TNRC6A: variants seen among roughly 807,000 people sequenced by gnomAD.
TNRC6A encodes the protein trinucleotide repeat containing adaptor 6A, also known as trinucleotide repeat-containing gene 6A protein.
Under a neutral mutation model 221.2 loss-of-function variants are expected in TNRC6A, and 44 were observed. The observed-to-expected ratio is 0.20, with a 90% CI of 0.16 to 0.26. TNRC6A has a LOEUF of 0.26. Ranked by LOEUF, TNRC6A falls within the 10% of genes least tolerant of loss-of-function variation. The probability of loss-of-function intolerance (pLI) is 1.00; values close to 1 mark genes in which losing one functional copy is unlikely to be tolerated. For synonymous variants in TNRC6A, 847 were observed against 838.5 expected (o/e 1.01, Z -0.18); for missense variants, 2,199 against 2,404.4 (o/e 0.91, Z 1.79).
upstream of TNRC6A, among the ~76,000 whole-genome samples, chr16:24,727,983 T>C (rs550418221): frequency 6.6e-6 from 1 of 152,156 alleles, no homozygotes; most frequent in South Asian, 2.1e-4. Flanking sequence ...AAAAAACAGA[T>C]ACACTAAAAG....
chr16:24,635,077 T>G (rs1321736951), intron 1 of TNRC6A, among the ~76,000 whole-genome samples: 1 of 151,354 alleles, frequency 6.6e-6, no homozygotes, highest in Non-Finnish European at 1.5e-5. Context: ...TCTTTCTTTT[T>G]CTTTCTTTCT....
chr16:24,651,262 G>C (rs1301948291), intron 2 of TNRC6A, among the ~76,000 whole-genome samples: 2 of 151,874 alleles, frequency 1.3e-5, no homozygotes, highest in Non-Finnish European at 2.9e-5. Context: ...ACATTCGCCA[G>C]GCGCCGTGCC....
chr16:24,682,217 G>A (rs1181925323), intron 2 of TNRC6A, among the ~76,000 whole-genome samples: 1 of 148,962 alleles, frequency 6.7e-6, no homozygotes, highest in East Asian at 1.9e-4. Flanking sequence ...GTCATGAAAG[G>A]AGGACTTGTT....
intron 4 of TNRC6A, among the ~76,000 whole-genome samples, chr16:24,773,220 T>C (rs956714683): frequency 6.6e-6 from 1 of 152,234 alleles, no homozygotes; most frequent in African/African-American, 2.4e-5. Context: ...ATGAATTTTT[T>C]TGTGTGCACT....
chr16:24,712,081 T>C (rs890722604), intron 2 of TNRC6A, among the ~76,000 whole-genome samples: 1 of 152,246 alleles, frequency 6.6e-6, no homozygotes, highest in African/African-American at 2.4e-5. Flanking sequence ...AAACTAAATA[T>C]GCACATGCAG....
At position 24,815,236 on chromosome 16, in the gene TNRC6A, G is replaced by C; in HGVS notation, c.4762G>C (p.Gly1588Arg). Residue 1588 changes from glycine to arginine, a missense_variant, in exon 19 of 25, where the codon GGT becomes CGT. By Grantham distance (125) the Gly-to-Arg change is moderately radical. This residue lies in a region of TNRC6A where 449 missense variants were observed against 579.7 expected (regional missense o/e 0.77). Transcript: ENST00000395799. Reference protein sequence around the residue: ...NSSTSPASPPGSIGDGWPRAK... With the variant: ...NSSTSPASPPRSIGDGWPRAK... ...CAGTACTTCACCAGCCAGTCCTCCA[G>C]GTTCAATAGGAGATGGCTGGCCACG... 1 of 1,614,216 alleles carries C rather than the reference G, an allele frequency of 6.2e-7. No individual in the cohort carries two copies. Among genetic ancestry groups the C allele is most frequent in the East Asian group, 2.2e-5 (1 of 44,882 alleles).
Position 24,791,629 on chromosome 16 carries a change from G to T in TNRC6A, c.2987G>T (p.Arg996Leu), listed in dbSNP as rs756268104. 14 of 1,611,008 alleles carry T rather than the reference G, an allele frequency of 8.7e-6. 1 individual carries two copies. The South Asian group carries it at 1.5e-4, about 18-fold the overall frequency. ...GWEEPSPESIRRKMEIDDGTS... is the reference protein window; with the variant it reads ...GWEEPSPESILRKMEIDDGTS... Reference sequence around the variant, plus strand: ...GAGGAACCATCCCCAGAATCTATACGTCGCAAAATGGAGATTGATGATGGA... The same window carrying T: ...GAGGAACCATCCCCAGAATCTATACTTCGCAAAATGGAGATTGATGATGGA... Residue 996 changes from arginine to leucine, a missense_variant, in exon 6 of 25, where the codon CGT becomes CTT. By Grantham distance (102) the Arg-to-Leu change is moderately radical (BLOSUM62 -2). Coordinates refer to ENST00000395799, the MANE Select transcript of TNRC6A (RefSeq NM_014494.4).
chr16:24,737,890 A>C lies in TNRC6A; in HGVS notation c.53+7590A>C, dbSNP rs2056806077. Among the ~76,000 whole-genome samples, 3 of 152,214 alleles carry C rather than the reference A, an allele frequency of 2.0e-5. No individual in the cohort carries two copies. In the South Asian group the frequency reaches 6.2e-4, roughly 32 times the overall value. ...GAGAATGGTAGTTAAGTGTGTGCTG[A>C]TTTTAAATGTCCTTTTAAATATCAT... On this transcript the variant is annotated intron_variant, in intron 2 of 24. Transcript: ENST00000395799.
intron 11 of TNRC6A, chr16:24,803,965 T>G (rs1381672101): frequency 4.1e-6 from 2 of 491,572 alleles, no homozygotes; most frequent in Non-Finnish European, 7.0e-6. Context: ...CTATTTCAAG[T>G]TAATTATTTC....
intron 19 of TNRC6A, chr16:24,815,806 T>C (rs947207236): frequency 3.6e-5 from 6 of 165,762 alleles, no homozygotes; most frequent in Admixed American, 3.4e-4. Flanking sequence ...TGAGCCGAAA[T>C]TGCGCCACTG....
rs72768608 is a variant in TNRC6A at position 24,633,891 on chromosome 16, C to A, written n.277-6993C>A. 6.7e-3 allele frequency among the ~76,000 whole-genome samples: 1,013 copies of A among 151,928 alleles called. 8 individuals are homozygous for A. The highest frequency in any genetic ancestry group is 0.011 in the Non-Finnish European group (749 of 67,976). On this transcript the variant is annotated intron_variant and non_coding_transcript_variant, in intron 1 of 2. Coordinates refer to the TNRC6A transcript ENST00000566108. Reference sequence around the variant, plus strand: ...TCTGCCTCCCGGTTCCAGGGATTCTCATGTCAGCCTCCTGAGTAGCTGGGA... The same window carrying A: ...TCTGCCTCCCGGTTCCAGGGATTCTAATGTCAGCCTCCTGAGTAGCTGGGA...
intron 4 of TNRC6A, among the ~76,000 whole-genome samples, chr16:24,763,648 T>C (rs1216214222): frequency 6.6e-6 from 1 of 152,234 alleles, no homozygotes; most frequent in Non-Finnish European, 1.5e-5. Flanking sequence ...CCTTCATTCA[T>C]CATTCATGAA....
At chr16:24,722,530 G>A (rs899955823) in intron 2 of TNRC6A, among the ~76,000 whole-genome samples, 1 of 151,944 alleles carries the variant, frequency 6.6e-6, no homozygotes, top group African/African-American at 2.4e-5. Context: ...CCACTCCCGG[G>A]TTCAAGTGAT....
At chr16:24,762,899 A>G (rs953205990) in intron 4 of TNRC6A, among the ~76,000 whole-genome samples, 13 of 152,230 alleles carry the variant, frequency 8.5e-5, no homozygotes, top group African/African-American at 2.9e-4. Flanking sequence ...CACTGAATAA[A>G]CTAAAACAAC....
At chr16:24,615,984 G>A (rs1297009622) in intron 1 of TNRC6A, among the ~76,000 whole-genome samples, 2 of 151,890 alleles carry the variant, frequency 1.3e-5, no homozygotes, top group African/African-American at 4.8e-5. Context: ...CTTAAGGCCA[G>A]AAATTAGAAA....
intron 1 of TNRC6A, chr16:24,610,579 G>A (rs554244579): frequency 2.0e-5 from 3 of 152,416 alleles, no homozygotes; most frequent in South Asian, 4.1e-4. Flanking sequence ...CCGTTGGAAG[G>A]GAAGTGCCTG....
At chr16:24,767,050 A>G (rs534956768) in intron 4 of TNRC6A, among the ~76,000 whole-genome samples, 1 of 152,258 alleles carries the variant, frequency 6.6e-6, no homozygotes, top group South Asian at 2.1e-4. Flanking sequence ...AGTTTTATTT[A>G]GCAGTTTACT....
At position 24,791,565 on chromosome 16, in the gene TNRC6A, A is replaced by G. The variant is rs749767044; in HGVS notation, c.2923A>G (p.Ile975Val). ...TGGTACAGGCTGGCTGGGGGGACCT[A>G]TACCAGCCCCAGCAAAAGAAGAAGA... ...PPGTGWLGGP[I>V]PAPAKEEEPT... Residue 975 changes from isoleucine to valine, a missense_variant, in exon 6 of 25, where the codon ATA becomes GTA. By Grantham distance (29) the Ile-to-Val change is conservative. Around this residue, in one of 8 missense-constraint regions of TNRC6A, gnomAD observed 1,405 missense variants for 1,400.2 expected, o/e 1.00. Transcript: ENST00000395799. 3.2e-6 allele frequency: 5 copies of G among 1,570,712 alleles called. No homozygotes were observed. In the Admixed American group the frequency reaches 5.6e-5, roughly 18 times the overall value.
At chr16:24,796,233 A>G (rs1485833190) in intron 9 of TNRC6A, 1 of 343,214 alleles carries the variant, frequency 2.9e-6, no homozygotes, top group African/African-American at 2.1e-5. Context: ...AGAAGTGACA[A>G]GAGATCTGGC....
Sources: gnomAD v4.1 joint callset for allele counts (sites outside exome capture counted in the v4.1 genomes callset) on GRCh38, gnomAD v4.1.1 for gene constraint, gnomAD v4.1.1 regional missense constraint, MANE v1.5 for transcripts, NCBI Gene and HGNC (gene_info 2026-07-23, HGNC 2026-07-21) for gene names.